The following KCNQ1 variants were observed in gnomAD, a reference collection of about 807,000 sequenced individuals.
KCNQ1 encodes potassium voltage-gated channel subfamily Q member 1.
Under a neutral mutation model 72.4 loss-of-function variants are expected in KCNQ1, and 49 were observed. That is an observed-to-expected ratio of 0.68 (90% confidence interval 0.54 to 0.86). KCNQ1 has a LOEUF of 0.86. Ranked by LOEUF, KCNQ1 falls within the 40% of genes least tolerant of loss-of-function variation. KCNQ1 has a pLI of 0.00. For synonymous variants in KCNQ1, 450 were observed against 412.6 expected, an observed-to-expected ratio of 1.09 and a Z score of -1.10; for missense variants, 790 against 945.1, an observed-to-expected ratio of 0.84 and a Z score of 2.15.
rs945351704 is a variant in KCNQ1 at position 2,813,370 on chromosome 11, T to A, written c.1795-34397T>A. Among the ~76,000 whole-genome samples the A allele has an allele frequency of 6.6e-6, 1 of 151,830 alleles. No homozygotes were observed. The highest frequency in any genetic ancestry group is 1.5e-5 in the Non-Finnish European group (1 of 67,986). ...TTCAGGGAACCTGGGCTCCCCACTCTCACAGGGGTGGAGACCTGCACCTCT... is the reference window on the plus strand; with the variant it reads ...TTCAGGGAACCTGGGCTCCCCACTCACACAGGGGTGGAGACCTGCACCTCT... On this transcript the variant is annotated intron_variant, in intron 15 of 15. Coordinates refer to ENST00000155840, the MANE Select transcript of KCNQ1 (RefSeq NM_000218.3). The surrounding 1 kb of genome is among the most constrained non-coding windows in gnomAD (Gnocchi z 4.4).
rs182936845 is a variant in KCNQ1 at position 2,458,541 on chromosome 11, C to T, written c.386+13057C>T. Among the ~76,000 whole-genome samples the T allele has an allele frequency of 1.3e-5, 2 of 152,310 alleles. No homozygotes were observed. Among genetic ancestry groups the T allele is most frequent in the African/African-American group, 2.4e-5 (1 of 41,578 alleles). ...CAGCTCCTGGTGAGGTCAGGGATTCCGCATGCAGCGTCACAGCTGCCAACC... is the reference window on the plus strand; with the variant it reads ...CAGCTCCTGGTGAGGTCAGGGATTCTGCATGCAGCGTCACAGCTGCCAACC... On this transcript the variant is annotated intron_variant, in intron 1 of 15. Coordinates refer to ENST00000155840, the MANE Select transcript of KCNQ1 (RefSeq NM_000218.3). The surrounding 1 kb of genome is among the most constrained non-coding windows in gnomAD (Gnocchi z 4.6).
At chr11:2,814,596 G>A (rs1847576299) in intron 15 of KCNQ1, among the ~76,000 whole-genome samples, 2 of 149,022 alleles carry the variant, frequency 1.3e-5, no homozygotes, top group Admixed American at 1.3e-4. Flanking sequence ...TGATGGATAG[G>A]TGGATGGGTA....
Position 2,471,914 on chromosome 11 carries a change from A to C in KCNQ1, c.386+26430A>C, listed in dbSNP as rs901716405. 6.9e-6 allele frequency among the ~76,000 whole-genome samples: 1 copy of C among 144,682 alleles called. No individual in the cohort carries two copies. Among genetic ancestry groups the C allele is most frequent in the African/African-American group, 2.6e-5 (1 of 38,324 alleles). 94.9% of individuals were successfully genotyped at this position (144,682 alleles called of 152,430 possible). A position where few individuals can be genotyped will look rare whatever the true frequency, so the allele number is the denominator to read the frequency against. ...TATAGGTGTGTGTATGCGTGCACCT[A>C]TGTGTGTATAGGCGTGTATGTGTGC... On this transcript the variant is annotated intron_variant, in intron 1 of 15. Transcript: ENST00000155840. This position sits in a 1 kb window ranked among gnomAD's most constrained non-coding sequence, Gnocchi z 4.8.
At chr11:2,584,120 C>A (rs1018398987) in intron 7 of KCNQ1, among the ~76,000 whole-genome samples, 1 of 152,120 alleles carries the variant, frequency 6.6e-6, no homozygotes, top group African/African-American at 2.4e-5. Context: ...TGTGTGCGTG[C>A]ATACTGTGTA....
Position 2,611,893 on chromosome 11 carries a change from G to A in KCNQ1, c.1393+23039G>A, listed in dbSNP as rs187531587. 595 of 398,376 alleles carry A rather than the reference G, an allele frequency of 1.5e-3. 2 individuals carry two copies. The highest frequency in any genetic ancestry group is 0.01 in the African/African-American group (487 of 48,686). The allele number at this position is 398,376 out of a possible 1,614,324, so 24.7% of individuals were successfully genotyped here. On this transcript the variant is annotated intron_variant, in intron 10 of 15. Transcript: ENST00000155840. The surrounding 1 kb of genome is among the most constrained non-coding windows in gnomAD (Gnocchi z 5.3). ...CCCCATTTTTAAAGTGTAATCTGGAGGTTACAATAAGCAGCTTAAGCAAAA... is the reference window on the plus strand; with the variant it reads ...CCCCATTTTTAAAGTGTAATCTGGAAGTTACAATAAGCAGCTTAAGCAAAA...
In KCNQ1 at chr11:2,715,478, G is replaced by A. The variant is rs567453954; in HGVS notation, c.1515-53366G>A. ...CCCCCTGCAGCCTGGCTCAGGCAGGGGCATGTGTGAAGGCCCAGGGGGAAG... is the reference window on the plus strand; with the variant it reads ...CCCCCTGCAGCCTGGCTCAGGCAGGAGCATGTGTGAAGGCCCAGGGGGAAG... On this transcript the variant is annotated intron_variant, in intron 11 of 15. Coordinates refer to ENST00000155840, the MANE Select transcript of KCNQ1 (RefSeq NM_000218.3). This position sits in a 1 kb window ranked among gnomAD's most constrained non-coding sequence, Gnocchi z 4.9. 2.6e-5 allele frequency among the ~76,000 whole-genome samples: 4 copies of A among 152,062 alleles called. No individual in the cohort carries two copies. The highest frequency in any genetic ancestry group is 1.3e-4 in the Admixed American group (2 of 15,274).
At chr11:2,465,642 G>A (rs1009399096) in intron 1 of KCNQ1, among the ~76,000 whole-genome samples, 3 of 152,314 alleles carry the variant, frequency 2.0e-5, no homozygotes, top group East Asian at 3.9e-4. Context: ...TGCCTGCTTG[G>A]GGGTGGAATT....
rs142149904 is a variant in KCNQ1, at chr11:2,608,383, T to A, written c.1393+19529T>A. 3.9e-3 allele frequency: 1,545 copies of A among 398,658 alleles called. 24 individuals carry two copies. The highest frequency in any genetic ancestry group is 0.028 in the African/African-American group (1,350 of 48,764). The allele number at this position is 398,658 out of a possible 1,614,324, so 24.7% of individuals were successfully genotyped here. On this transcript the variant is annotated intron_variant, in intron 10 of 15. Coordinates refer to ENST00000155840, the MANE Select transcript of KCNQ1 (RefSeq NM_000218.3). This position sits in a 1 kb window ranked among gnomAD's most constrained non-coding sequence, Gnocchi z 4.6. ...GGAATTTGTCAATTTCATCTAAGTTTTATAATTTATTGGCACAAAATTGTT... is the reference window on the plus strand; with the variant it reads ...GGAATTTGTCAATTTCATCTAAGTTATATAATTTATTGGCACAAAATTGTT...
chr11:2,777,339 G>C (rs1266912197), intron 14 of KCNQ1, among the ~76,000 whole-genome samples: 4 of 145,592 alleles, frequency 2.7e-5, no homozygotes, highest in African/African-American at 9.9e-5. Flanking sequence ...AGAAGGGGGT[G>C]ATCCTGGGGT....
At chr11:2,540,357 G>A (rs77558275) in intron 2 of KCNQ1, among the ~76,000 whole-genome samples, 4 of 152,372 alleles carry the variant, frequency 2.6e-5, no homozygotes, top group Admixed American at 1.3e-4. Context: ...TTGCAGGTTG[G>A]GGGGACAGGG....
intron 15 of KCNQ1, among the ~76,000 whole-genome samples, chr11:2,789,792 T>C (rs1289346638): frequency 6.6e-6 from 1 of 152,184 alleles, no homozygotes; most frequent in African/African-American, 2.4e-5. Context: ...TTCGAGGTGT[T>C]TCTTTTTCCC....
At chr11:2,527,314 C>T (rs948629903) in intron 1 of KCNQ1, among the ~76,000 whole-genome samples, 35 of 152,284 alleles carry the variant, frequency 2.3e-4, no homozygotes, top group African/African-American at 8.2e-4. Flanking sequence ...CCCCACCTGG[C>T]GGGCTGGCTT....
chr11:2,484,276 G>A lies in KCNQ1; in HGVS notation c.386+38792G>A, dbSNP rs1846699352. 6.6e-6 allele frequency among the ~76,000 whole-genome samples: 1 copy of A among 152,082 alleles called. No homozygotes were observed. The highest frequency in any genetic ancestry group is 2.1e-4 in the South Asian group (1 of 4,824). On this transcript the variant is annotated intron_variant, in intron 1 of 15. Transcript: ENST00000155840. This position sits in a 1 kb window ranked among gnomAD's most constrained non-coding sequence, Gnocchi z 5.2. ...CCTCCGGGGTTCAAGTGATTCTCCTGCCTCAGCCTCCTGAGTAGCTGGGAT... is the reference window on the plus strand; with the variant it reads ...CCTCCGGGGTTCAAGTGATTCTCCTACCTCAGCCTCCTGAGTAGCTGGGAT...
At chr11:2,502,805 C>A (rs530155835) in intron 1 of KCNQ1, among the ~76,000 whole-genome samples, 14 of 152,222 alleles carry the variant, frequency 9.2e-5, no homozygotes, top group African/African-American at 3.4e-4. Context: ...TCATAGTAAC[C>A]AAAACAGTAT....
chr11:2,598,691 T>G lies in KCNQ1; in HGVS notation c.1393+9837T>G, dbSNP rs1848763542. Among the ~76,000 whole-genome samples, 1 of 152,204 alleles carries G rather than the reference T, an allele frequency of 6.6e-6. No homozygotes were observed. Among genetic ancestry groups the G allele is most frequent in the African/African-American group, 2.4e-5 (1 of 41,530 alleles). On this transcript the variant is annotated intron_variant, in intron 10 of 15. Transcript: ENST00000155840. The surrounding 1 kb of genome is among the most constrained non-coding windows in gnomAD (Gnocchi z 6.2). Reference sequence around the variant, plus strand: ...CCTGTACAATTATGTTTCTAAAAATTGAGTGGCAGGTTTCATGGAGTGGTT... The same window carrying G: ...CCTGTACAATTATGTTTCTAAAAATGGAGTGGCAGGTTTCATGGAGTGGTT...
chr11:2,847,860 C>G lies in KCNQ1; in HGVS notation c.1888C>G (p.Pro630Ala), dbSNP rs199472822. Residue 630 changes from proline (P) to alanine (A), a missense_variant, in exon 16 of 16, where the codon CCC becomes GCC. This residue lies in a region of KCNQ1 where 94 missense variants were observed against 85.2 expected (regional missense o/e 1.10). Transcript: ENST00000155840. ...HGGSTPGSGG[P>A]PREGGAHITQ... ...TGGCAGCACCCCCGGCAGCGGCGGC[C>G]CCCCCAGAGAGGGCGGGGCCCACAT... is the stretch of plus-strand genomic sequence containing the variant. The G allele has an allele frequency of 1.9e-6, 3 of 1,576,536 alleles. No individual in the cohort carries two copies. Among genetic ancestry groups the G allele is most frequent in the Non-Finnish European group, 2.6e-6 (3 of 1,161,088 alleles).
At chr11:2,693,561 C>T (rs764296146) in intron 11 of KCNQ1, 46 of 398,618 alleles carry the variant, frequency 1.2e-4, no homozygotes, top group Middle Eastern at 1.3e-3. Flanking sequence ...CAAGGCTTTT[C>T]GGAGGAGCAG....
intron 2 of KCNQ1, among the ~76,000 whole-genome samples, chr11:2,528,273 G>T (rs987329192): frequency 6.6e-6 from 1 of 152,220 alleles, no homozygotes; most frequent in East Asian, 1.9e-4. Flanking sequence ...CTTCCTGGAG[G>T]AGGGGCTTCC....
chr11:2,812,941 C>G (rs1007367199), intron 15 of KCNQ1, among the ~76,000 whole-genome samples: 1 of 152,258 alleles, frequency 6.6e-6, no homozygotes, highest in African/African-American at 2.4e-5. Flanking sequence ...CTCCTGGCTG[C>G]AAAGCTGCCC....
Sources: allele counts gnomAD v4.1 joint callset (sites outside exome capture counted in the v4.1 genomes callset), GRCh38; gene constraint gnomAD v4.1.1; regional missense constraint gnomAD v4.1.1; non-coding constraint Gnocchi (gnomAD v3.1); transcripts MANE v1.5; gene names NCBI Gene and HGNC (gene_info 2026-07-23, HGNC 2026-07-21).